Variants in PDZD2 observed in about 807,000 individuals in gnomAD.
PDZD2 encodes the protein PDZ domain containing 2, also known as PDZ domain-containing protein 2.
PDZD2 carries 90 observed loss-of-function variants against 220.7 expected under a neutral mutation model. That is an observed-to-expected ratio of 0.41 (90% confidence interval 0.34 to 0.49). PDZD2 has a LOEUF of 0.49. Among genes scored for constraint, PDZD2 ranks in the 20% least tolerant of loss-of-function variants. The pLI is 0.28. For synonymous variants in PDZD2, 1,375 were observed against 1,450.5 expected, an observed-to-expected ratio of 0.95 and a Z score of 1.18; for missense variants, 3,174 against 3,608.5, an observed-to-expected ratio of 0.88 and a Z score of 3.08.
intron 2 of PDZD2, among the ~76,000 whole-genome samples, chr5:31,961,855 G>A (rs1748263027): frequency 6.6e-6 from 1 of 152,160 alleles, no homozygotes; most frequent in Admixed American, 6.5e-5. Flanking sequence ...TGTTGGCTAG[G>A]CTGCGCCCAC....
chr5:31,764,427 T>C (rs1751862587), intron 1 of PDZD2, among the ~76,000 whole-genome samples: 1 of 152,184 alleles, frequency 6.6e-6, no homozygotes, highest in South Asian at 2.1e-4. Flanking sequence ...AAAACTCTCC[T>C]GGAACTTCTG....
At chr5:31,651,196 C>A (rs1029564638) in intron 1 of PDZD2, among the ~76,000 whole-genome samples, 1 of 130,422 alleles carries the variant, frequency 7.7e-6, no homozygotes, top group East Asian at 1.9e-4. Flanking sequence ...AGACCCGTAA[C>A]TGTAGGTTGG....
intron 1 of PDZD2, chr5:31,741,902 C>T (rs1041520831): frequency 6.6e-6 from 1 of 152,192 alleles, no homozygotes; most frequent in Non-Finnish European, 1.5e-5. Context: ...AGGACCCTGC[C>T]TAGAGATGGC....
At chr5:31,744,532 T>A (rs935594029) in intron 1 of PDZD2, 1 of 152,150 alleles carries the variant, frequency 6.6e-6, no homozygotes, top group Non-Finnish European at 1.5e-5. Context: ...AATTATATAA[T>A]CTTTTTTGAC....
rs1740562469 is a variant in PDZD2 at position 32,069,617 on chromosome 5, G to A, written c.2500G>A (p.Glu834Lys). The change falls in exon 15 of 25, where the codon GAG becomes AAG. Residue 834 changes from glutamate to lysine, a missense_variant. Physicochemically the swap from Glu to Lys is moderately conservative, Grantham distance 56. Around this residue, in one of 4 missense-constraint regions of PDZD2, gnomAD observed 1,861 missense variants for 2,001.0 expected, o/e 0.93. Transcript: ENST00000438447. ...AGTCATAGCACGCAGCACTTATCAG[G>A]AGAGCAAAGAGGCCAATTCCTCTCC... ...DEVIARSTYQESKEANSSPGL... is the reference protein window; with the variant it reads ...DEVIARSTYQKSKEANSSPGL... 2 of 1,590,612 alleles carry A rather than the reference G, an allele frequency of 1.3e-6. No homozygotes were observed. The highest frequency in any genetic ancestry group is 3.3e-5 in the Admixed American group (2 of 59,972).
chr5:31,756,987 A>G (rs1005199268), intron 1 of PDZD2, among the ~76,000 whole-genome samples: 35 of 152,372 alleles, frequency 2.3e-4, no homozygotes, highest in African/African-American at 8.4e-4. Context: ...TAGTTACAGC[A>G]TATTAAGAAT....
intron 1 of PDZD2, among the ~76,000 whole-genome samples, chr5:31,728,536 T>C (rs759865671): frequency 1.3e-5 from 2 of 152,190 alleles, no homozygotes; most frequent in Non-Finnish European, 2.9e-5. Flanking sequence ...CGAGTGCTAA[T>C]GGTGGTGGGG....
intron 1 of PDZD2, among the ~76,000 whole-genome samples, chr5:31,758,969 C>T (rs1156720459): frequency 1.3e-5 from 2 of 152,146 alleles, no homozygotes; most frequent in East Asian, 1.9e-4. Context: ...GGCTGTGTTT[C>T]CCACTCCCTC....
At chr5:31,711,469 G>A (rs1200648217) in intron 1 of PDZD2, among the ~76,000 whole-genome samples, 5 of 152,322 alleles carry the variant, frequency 3.3e-5, no homozygotes, top group Non-Finnish European at 5.9e-5. Context: ...CTGCACATGT[G>A]GCTTAAGCCA....
At chr5:31,660,419 G>A (rs1167361111) in intron 1 of PDZD2, among the ~76,000 whole-genome samples, 1 of 152,018 alleles carries the variant, frequency 6.6e-6, no homozygotes, top group East Asian at 1.9e-4. Flanking sequence ...ACCTGAGATT[G>A]GGTAATTTAT....
At chr5:31,818,169 G>A (rs1308773825) in intron 2 of PDZD2, among the ~76,000 whole-genome samples, 4 of 151,606 alleles carry the variant, frequency 2.6e-5, no homozygotes, top group Admixed American at 2.0e-4. Context: ...ATGGGGTTTC[G>A]CTATGTTACC....
At chr5:31,761,443 G>A (rs1241122642) in intron 1 of PDZD2, among the ~76,000 whole-genome samples, 11 of 75,270 alleles carry the variant, frequency 1.5e-4, no homozygotes, top group Middle Eastern at 5.7e-3. Context: ...AAGTAAAGAC[G>A]ACACTAAGAA....
Position 32,104,526 on chromosome 5 carries a change from C to A in PDZD2, c.8353+3287C>A, listed in dbSNP as rs112394066. On this transcript the variant is annotated intron_variant, in intron 24 of 24. Coordinates refer to ENST00000438447, the MANE Select transcript of PDZD2 (RefSeq NM_178140.4). ...ACCACCTGAGGTCAGGAGTTAGAGA[C>A]CAGCCTGGCCAACATGGTGAAACCC... 4.6e-3 allele frequency among the ~76,000 whole-genome samples: 694 copies of A among 151,250 alleles called. 6 individuals carry two copies. The highest frequency in any genetic ancestry group is 0.016 in the African/African-American group (654 of 41,268).
chr5:31,887,006 T>C (rs1740569351), intron 2 of PDZD2, among the ~76,000 whole-genome samples: 1 of 152,196 alleles, frequency 6.6e-6, no homozygotes, highest in Non-Finnish European at 1.5e-5. Context: ...GTCTCTGTAC[T>C]TATCTCTTGA....
At chr5:31,979,643 C>A (rs1581204607) in intron 2 of PDZD2, among the ~76,000 whole-genome samples, 1 of 151,862 alleles carries the variant, frequency 6.6e-6, no homozygotes, top group Non-Finnish European at 1.5e-5. Context: ...CAGATCAATA[C>A]TGTTGGGATG....
intron 19 of PDZD2, among the ~76,000 whole-genome samples, chr5:32,078,365 C>T (rs1372639185): frequency 6.6e-6 from 1 of 152,166 alleles, no homozygotes; most frequent in Non-Finnish European, 1.5e-5. Flanking sequence ...GGTGCAGTGG[C>T]TCATGCCTGT....
intron 24 of PDZD2, among the ~76,000 whole-genome samples, chr5:32,104,200 G>GTGA (rs1401978905): frequency 1.3e-5 from 2 of 152,006 alleles, no homozygotes; most frequent in Non-Finnish European, 2.9e-5. Flanking sequence ...TTGAGGTCAG[G>GTGA]ATTCACCTTA....
chr5:31,859,387 TA>T (rs559179975), intron 2 of PDZD2, among the ~76,000 whole-genome samples: 7 of 151,960 alleles, frequency 4.6e-5, no homozygotes, highest in African/African-American at 1.5e-4. Flanking sequence ...TATCTCCTTT[TA>T]AAAAAAACAT....
chr5:31,993,076 A>G (rs1581231105), intron 3 of PDZD2, among the ~76,000 whole-genome samples: 2 of 152,158 alleles, frequency 1.3e-5, no homozygotes, highest in East Asian at 3.9e-4. Context: ...CTGCTCCTCA[A>G]GGATGGCTTT....
Sources: gnomAD v4.1 joint callset for allele counts (sites outside exome capture counted in the v4.1 genomes callset) on GRCh38, gnomAD v4.1.1 for gene constraint, gnomAD v4.1.1 regional missense constraint, MANE v1.5 for transcripts, NCBI Gene and HGNC (gene_info 2026-07-23, HGNC 2026-07-21) for gene names.